OR9Q1: variants seen among roughly 807,000 people sequenced by gnomAD.
OR9Q1 encodes olfactory receptor family 9 subfamily Q member 1.
For missense variants in OR9Q1, 374 were observed against 378.8 expected (o/e 0.99, Z 0.11); for synonymous variants, 153 against 148.6 (o/e 1.03, Z -0.22).
At chr11:58,127,103 C>T (rs887124678) in intron 2 of OR9Q1, among the ~76,000 whole-genome samples, 1 of 152,172 alleles carries the variant, frequency 6.6e-6, no homozygotes, top group Non-Finnish European at 1.5e-5. Context: ...GCATGTGCCA[C>T]CACGCCCAGC....
At chr11:58,157,446 A>G (rs150456594) in intron 2 of OR9Q1, among the ~76,000 whole-genome samples, 19 of 152,316 alleles carry the variant, frequency 1.2e-4, no homozygotes, top group African/African-American at 4.6e-4. Context: ...TGTAAACGTC[A>G]TGAGGGCAAG....
intron 2 of OR9Q1, among the ~76,000 whole-genome samples, chr11:58,088,038 C>G (rs1853650028): frequency 6.6e-6 from 1 of 151,806 alleles, no homozygotes; most frequent in African/African-American, 2.4e-5. Context: ...CAGGGGCACA[C>G]CTGTAGAGGC....
chr11:58,139,344 A>G (rs962376335), intron 2 of OR9Q1, among the ~76,000 whole-genome samples: 4 of 151,840 alleles, frequency 2.6e-5, no homozygotes, highest in African/African-American at 9.7e-5. Context: ...CAGGTTTGTT[A>G]CATAGGTATA....
chr11:58,129,702 T>C lies in OR9Q1; in HGVS notation c.-14-49729T>C, dbSNP rs78455713. Among the ~76,000 whole-genome samples the C allele has an allele frequency of 6.5e-3, 991 of 152,230 alleles. 7 individuals carry two copies. Among genetic ancestry groups the C allele is most frequent in the African/African-American group, 0.023 (939 of 41,538 alleles). On this transcript the variant is annotated intron_variant, in intron 2 of 2. Coordinates refer to ENST00000335397, the MANE Select transcript of OR9Q1 (RefSeq NM_001005212.4). ...TGCAGGTCTCAGTGTAAATACCCCA[T>C]CACCAAGACCTTTTCTGACCTCCAG... is the stretch of plus-strand genomic sequence containing the variant.
intron 2 of OR9Q1, among the ~76,000 whole-genome samples, chr11:58,080,144 C>T (rs1853575060): frequency 6.6e-6 from 1 of 152,144 alleles, no homozygotes; most frequent in East Asian, 1.9e-4. Context: ...ACCCTCTCCT[C>T]CCTTCCCCCA....
At chr11:58,031,876 CTT>C (rs1853045072) in intron 1 of OR9Q1, 1 of 1,612,614 alleles carries the variant, frequency 6.2e-7, no homozygotes. Context: ...TGGGTCGAGT[CTT>C]TTCTCTCAAC....
At chr11:58,061,535 C>T (rs1181053850) in intron 2 of OR9Q1, among the ~76,000 whole-genome samples, 1 of 152,198 alleles carries the variant, frequency 6.6e-6, no homozygotes, top group Admixed American at 6.5e-5. Flanking sequence ...TAATCAGTAA[C>T]TAGCGTTTGT....
chr11:58,122,035 C>T lies in OR9Q1; in HGVS notation c.-14-57396C>T, dbSNP rs1241965985. 3.3e-5 allele frequency among the ~76,000 whole-genome samples: 5 copies of T among 152,220 alleles called. No homozygotes were observed. In the South Asian group the frequency reaches 1.0e-3, roughly 32 times the overall value. Reference sequence around the variant, plus strand: ...CCATGGGATCCCTTTTTTTACTTCTCTTTCACCTAAGGTCTAATTCCACTG... The same window carrying T: ...CCATGGGATCCCTTTTTTTACTTCTTTTTCACCTAAGGTCTAATTCCACTG... On this transcript the variant is annotated intron_variant, in intron 2 of 2. Transcript: ENST00000335397.
At chr11:58,108,411 A>T (rs1222082687) in intron 2 of OR9Q1, among the ~76,000 whole-genome samples, 1 of 152,152 alleles carries the variant, frequency 6.6e-6, no homozygotes, top group Non-Finnish European at 1.5e-5. Context: ...GGATATGGTA[A>T]TCAGTTCGCT....
At chr11:58,110,974 T>C (rs193134766) in intron 2 of OR9Q1, among the ~76,000 whole-genome samples, 3 of 152,280 alleles carry the variant, frequency 2.0e-5, no homozygotes, top group South Asian at 4.2e-4. Context: ...TATGGGGTCC[T>C]ACCAGTCACA....
intron 2 of OR9Q1, among the ~76,000 whole-genome samples, chr11:58,088,131 G>A (rs752282707): frequency 5.3e-5 from 8 of 151,698 alleles, no homozygotes; most frequent in Non-Finnish European, 1.0e-4. Context: ...ATGAGCCACC[G>A]CACCCGGCCT....
intron 2 of OR9Q1, among the ~76,000 whole-genome samples, chr11:58,128,052 T>C (rs1274272717): frequency 6.6e-6 from 1 of 152,186 alleles, no homozygotes; most frequent in African/African-American, 2.4e-5. Context: ...CATGGTTTTG[T>C]ATGTTTGTAT....
intron 1 of OR9Q1, among the ~76,000 whole-genome samples, chr11:58,034,735 T>TTTCCTTCCTTCCTTCCTTCCTTTCTTCC (rs1853079653): frequency 9.0e-6 from 1 of 111,404 alleles, no homozygotes; most frequent in Non-Finnish European, 1.8e-5. Context: ...GGTTTCTTTC[T>TTTCCTTCCTTCCTTCCTTCCTTTCTTCC]TTCCTTCCTT....
At chr11:58,168,750 T>C (rs192108911) in intron 2 of OR9Q1, among the ~76,000 whole-genome samples, 206 of 152,304 alleles carry the variant, frequency 1.4e-3, no homozygotes, top group African/African-American at 4.9e-3. Context: ...TATCTTTAGC[T>C]TCTTGTGGTT....
At chr11:58,112,319 T>A (rs992109999) in intron 2 of OR9Q1, among the ~76,000 whole-genome samples, 1 of 151,692 alleles carries the variant, frequency 6.6e-6, no homozygotes, top group Non-Finnish European at 1.5e-5. Flanking sequence ...ATTATAAATA[T>A]GTTTCTTTGA....
intron 2 of OR9Q1, among the ~76,000 whole-genome samples, chr11:58,141,678 G>C (rs1338580240): frequency 6.6e-6 from 1 of 152,084 alleles, no homozygotes; most frequent in African/African-American, 2.4e-5. Context: ...AGCTGTTATT[G>C]TCAGTGTCTA....
intron 2 of OR9Q1, among the ~76,000 whole-genome samples, chr11:58,167,610 T>A (rs1049127786): frequency 6.6e-6 from 1 of 152,202 alleles, no homozygotes; most frequent in African/African-American, 2.4e-5. Flanking sequence ...CTAGTGCTTC[T>A]GGTTTTAGCT....
intron 2 of OR9Q1, among the ~76,000 whole-genome samples, chr11:58,091,176 C>T (rs188436936): frequency 6.6e-6 from 1 of 151,892 alleles, no homozygotes; most frequent in Non-Finnish European, 1.5e-5. Context: ...TATTTCTTGC[C>T]TTCTGCTAGC....
intron 2 of OR9Q1, among the ~76,000 whole-genome samples, chr11:58,148,308 GTA>G (rs142787260): frequency 1.3e-5 from 2 of 150,876 alleles, no homozygotes; most frequent in African/African-American, 2.4e-5. Context: ...GCAGAAGTGT[GTA>G]TATATATATA....
Sources: gnomAD v4.1 joint callset for allele counts (sites outside exome capture counted in the v4.1 genomes callset) on GRCh38, gnomAD v4.1.1 for gene constraint, MANE v1.5 for transcripts, NCBI Gene and HGNC (gene_info 2026-07-23, HGNC 2026-07-21) for gene names.